The following LARP1B variants were observed in gnomAD, a reference collection of about 807,000 sequenced individuals.
LARP1B encodes La ribonucleoprotein 1B, also known as la-related protein 1B.
A neutral mutation model predicts 114.2 loss-of-function variants in LARP1B; 76 were observed. The observed-to-expected ratio is 0.67, with a 90% CI of 0.55 to 0.81. The LOEUF (loss-of-function observed/expected upper bound fraction) is 0.81, where lower values mean the gene tolerates loss of function less well. Among genes scored for constraint, LARP1B ranks in the 30% least tolerant of loss-of-function variants. LARP1B has a pLI of 0.00. For synonymous variants in LARP1B, 345 were observed against 348.0 expected (o/e 0.99, Z 0.10); for missense variants, 1,014 against 1,075.8 (o/e 0.94, Z 0.80).
chr4:128,207,202 A>C (rs1376285451), intron 18 of LARP1B, 54 bp from the exon 19 acceptor site: 1 of 817,076 alleles, frequency 1.2e-6, no homozygotes, highest in Non-Finnish European at 1.7e-6. Flanking sequence ...ATTTAATGTG[A>C]ATAATTTTTA....
chr4:128,161,092 T>A (rs1184537892), intron 11 of LARP1B, among the ~76,000 whole-genome samples: 3 of 152,206 alleles, frequency 2.0e-5, no homozygotes, highest in Non-Finnish European at 4.4e-5. Flanking sequence ...GTAGATGTGA[T>A]ATAGGGTTTT....
intron 17 of LARP1B, among the ~76,000 whole-genome samples, chr4:128,204,527 C>G (rs974447199): frequency 6.6e-6 from 1 of 151,532 alleles, no homozygotes; most frequent in African/African-American, 2.4e-5. Context: ...TGGTGGCAGG[C>G]GCCTGTAATC....
chr4:128,176,884 G>GA lies in LARP1B; in HGVS notation c.1662dup (p.Val555SerfsTer11), dbSNP rs1746457792. On this transcript the variant is annotated frameshift_variant, in exon 13 of 20. Coordinates refer to ENST00000326639, the MANE Select transcript of LARP1B (RefSeq NM_018078.4). LOFTEE classifies it high-confidence loss of function. ...ACTCTCTTGGCAGGAGGTGTTCAAGGAGTGCTTCACATTCCCAAGAAAGGT... is the reference window on the plus strand; with the variant it reads ...ACTCTCTTGGCAGGAGGTGTTCAAGGAAGTGCTTCACATTCCCAAGAAAGGT... 1 of 1,614,058 alleles carries GA rather than the reference G, an allele frequency of 6.2e-7. No individual in the cohort carries two copies. Among genetic ancestry groups the GA allele is most frequent in the East Asian group, 2.2e-5 (1 of 44,868 alleles).
rs192403288 is a variant in LARP1B at position 128,181,619 on chromosome 4, A to G, written c.2003+2107A>G. Among the ~76,000 whole-genome samples, 364 of 151,956 alleles carry G rather than the reference A, an allele frequency of 2.4e-3. 2 individuals carry two copies. The highest frequency in any genetic ancestry group is 8.2e-3 in the African/African-American group (339 of 41,440). ...TTTTTACTGATCCTCTAGGATTTAC[A>G]GGTATACTTTGTTTTGTTGTGCTTC... is the stretch of plus-strand genomic sequence containing the variant. On this transcript the variant is annotated intron_variant, in intron 15 of 19. Coordinates refer to ENST00000326639, the MANE Select transcript of LARP1B (RefSeq NM_018078.4).
chr4:128,090,903 A>G, intron 5 of LARP1B, 98 bp from the exon 6 acceptor site: 1 of 874,594 alleles, frequency 1.1e-6, no homozygotes. Flanking sequence ...TTCATTAGTT[A>G]CAAAGTGGAA....
chr4:128,094,431 CACT>C (rs1394609484), intron 7 of LARP1B, among the ~76,000 whole-genome samples: 1 of 132,126 alleles, frequency 7.6e-6, no homozygotes, highest in African/African-American at 2.9e-5. Context: ...GACATTGTCT[CACT>C]CTGTCGCCCA....
intron 1 of LARP1B, 142 bp downstream of exon 1, chr4:128,061,543 T>TCGGCGGGCGGCGGCAGCGGCGG (rs1760104036): frequency 2.7e-6 from 1 of 365,206 alleles, no homozygotes; most frequent in Admixed American, 6.5e-5. Context: ...CTGCGCGGCC[T>TCGGCGGGCGGCGGCAGCGGCGG]CGGCGGGCGG....
chr4:128,184,031 C>T (rs572485867), intron 15 of LARP1B, among the ~76,000 whole-genome samples: 5 of 152,232 alleles, frequency 3.3e-5, no homozygotes, highest in Admixed American at 2.0e-4. Flanking sequence ...TTCTTATGGA[C>T]GAGCACAGAG....
intron 8 of LARP1B, among the ~76,000 whole-genome samples, chr4:128,103,793 C>A (rs1781144280): frequency 6.6e-6 from 1 of 151,982 alleles, no homozygotes; most frequent in African/African-American, 2.4e-5. Flanking sequence ...AACTCCTGAC[C>A]TCAGGTGATC....
intron 15 of LARP1B, among the ~76,000 whole-genome samples, chr4:128,194,682 CAAAAAAAAAA>C (rs56843140): frequency 8.5e-4 from 22 of 25,904 alleles, no homozygotes; most frequent in Non-Finnish European, 1.3e-3. Context: ...GACTCTGTCT[CAAAAAAAAAA>C]AAAAAAAAAA....
intron 11 of LARP1B, chr4:128,155,521 A>G: frequency 2.5e-6 from 2 of 791,112 alleles, no homozygotes; most frequent in Non-Finnish European, 2.3e-6. Flanking sequence ...CAGCAACATG[A>G]GTGGCAGTGA....
At chr4:128,064,578 T>C (rs992006653) in intron 1 of LARP1B, among the ~76,000 whole-genome samples, 1 of 152,210 alleles carries the variant, frequency 6.6e-6, no homozygotes, top group African/African-American at 2.4e-5. Flanking sequence ...TTTTTCTTTT[T>C]TAAAGCCCAG....
At chr4:128,115,996 ATTAT>A (rs763053863) in intron 10 of LARP1B, among the ~76,000 whole-genome samples, 56 of 152,224 alleles carry the variant, frequency 3.7e-4, no homozygotes, top group Non-Finnish European at 5.4e-4. Flanking sequence ...ACTCATGTTA[ATTAT>A]TTATAAGGTT....
At chr4:128,156,055 A>G (rs1263585894) in intron 11 of LARP1B, 4 of 1,586,886 alleles carry the variant, frequency 2.5e-6, no homozygotes, top group East Asian at 4.5e-5. Flanking sequence ...GCTCATGACC[A>G]CACCCTCCCT....
chr4:128,141,269 T>C (rs1182831409), intron 11 of LARP1B, among the ~76,000 whole-genome samples: 2 of 152,136 alleles, frequency 1.3e-5, no homozygotes, highest in African/African-American at 4.8e-5. Context: ...TTACATCTTA[T>C]CATTGGTATC....
At chr4:128,106,505 A>G (rs1378448087) in intron 8 of LARP1B, among the ~76,000 whole-genome samples, 1 of 152,070 alleles carries the variant, frequency 6.6e-6, no homozygotes, top group African/African-American at 2.4e-5. Flanking sequence ...TTTAGTTTGT[A>G]TCTTGAAGAA....
At chr4:128,202,355 G>T (rs1020083330) in intron 17 of LARP1B, among the ~76,000 whole-genome samples, 1 of 152,206 alleles carries the variant, frequency 6.6e-6, no homozygotes, top group African/African-American at 2.4e-5. Context: ...AAAAAATACA[G>T]TAGAAAATAC....
intron 8 of LARP1B, among the ~76,000 whole-genome samples, chr4:128,105,337 C>T (rs1327068562): frequency 1.3e-5 from 2 of 152,138 alleles, no homozygotes; most frequent in Admixed American, 1.3e-4. Context: ...TCTCTGAGTT[C>T]TTTTCATTGG....
At chr4:128,094,464 A>C (rs1400291807) in intron 7 of LARP1B, among the ~76,000 whole-genome samples, 1 of 145,112 alleles carries the variant, frequency 6.9e-6, no homozygotes, top group Non-Finnish European at 1.5e-5. Context: ...ACAGTGGCGC[A>C]ATCTCGGCTC....
Sources: allele counts gnomAD v4.1 joint callset (sites outside exome capture counted in the v4.1 genomes callset), GRCh38; gene constraint gnomAD v4.1.1; transcripts MANE v1.5; gene names NCBI Gene and HGNC (gene_info 2026-07-23, HGNC 2026-07-21).